Variants in MAGI2 observed in about 807,000 individuals in gnomAD.
MAGI2 encodes membrane-associated guanylate kinase, WW and PDZ domain-containing protein 2.
Under a neutral mutation model 133.3 loss-of-function variants are expected in MAGI2, and 35 were observed. The ratio of observed to expected loss-of-function variants is 0.26; its 90% CI spans 0.20 to 0.35. The LOEUF is 0.35. Among genes scored for constraint, MAGI2 ranks in the 10% least tolerant of loss-of-function variants. The pLI, the probability that MAGI2 is intolerant of heterozygous loss-of-function variation, is 1.00. For missense variants in MAGI2, 1,636 were observed against 1,863.4 expected, an observed-to-expected ratio of 0.88 and a Z score of 2.25; for synonymous variants, 729 against 710.6, an observed-to-expected ratio of 1.03 and a Z score of -0.41.
chr7:78,171,897 GTTTGTTTTT>G (rs1462334615), intron 14 of MAGI2, among the ~76,000 whole-genome samples: 1 of 88,734 alleles, frequency 1.1e-5, no homozygotes, highest in African/African-American at 5.0e-5. Context: ...TTGTTTGTTT[GTTTGTTTTT>G]TTTTCCCTAT....
At chr7:78,357,322 C>T (rs41357146) in intron 7 of MAGI2, among the ~76,000 whole-genome samples, 8,201 of 152,192 alleles carry the variant, frequency 0.054, 299 homozygotes, top group Middle Eastern at 0.12. Context: ...ATGCCTAATA[C>T]ATACCAAGTG....
At chr7:79,066,944 C>A (rs1004239697) in intron 1 of MAGI2, among the ~76,000 whole-genome samples, 1 of 151,946 alleles carries the variant, frequency 6.6e-6, no homozygotes, top group African/African-American at 2.4e-5. Flanking sequence ...TTTCTGAGGC[C>A]CCTGTTCTGT....
At chr7:79,313,071 GA>G (rs1838420423) in intron 1 of MAGI2, among the ~76,000 whole-genome samples, 1 of 152,048 alleles carries the variant, frequency 6.6e-6, no homozygotes, top group African/African-American at 2.4e-5. Flanking sequence ...ATCAATTATA[GA>G]CTTCCTCCTT....
At chr7:78,400,238 T>G (rs1405010951) in intron 6 of MAGI2, among the ~76,000 whole-genome samples, 1 of 152,184 alleles carries the variant, frequency 6.6e-6, no homozygotes, top group Non-Finnish European at 1.5e-5. Flanking sequence ...TAAGGGCAAT[T>G]AGAAACATAA....
chr7:79,044,059 G>C (rs1040993162), intron 1 of MAGI2, among the ~76,000 whole-genome samples: 1 of 152,088 alleles, frequency 6.6e-6, no homozygotes, highest in Non-Finnish European at 1.5e-5. Context: ...AGGTGGGACT[G>C]CTCCCTAACT....
chr7:78,833,176 T>A (rs185571885), intron 2 of MAGI2, among the ~76,000 whole-genome samples: 14 of 152,336 alleles, frequency 9.2e-5, no homozygotes, highest in African/African-American at 2.6e-4. Context: ...ACTGTGTTTC[T>A]GTTTTAAGGC....
intron 1 of MAGI2, among the ~76,000 whole-genome samples, chr7:79,431,966 C>T (rs530096963): frequency 6.6e-6 from 1 of 152,264 alleles, no homozygotes; most frequent in African/African-American, 2.4e-5. Flanking sequence ...CATAAGCTTC[C>T]TCATGTTTAA....
intron 1 of MAGI2, among the ~76,000 whole-genome samples, chr7:79,443,281 TGTGC>T (rs1554486081): frequency 1.6e-3 from 108 of 69,156 alleles, no homozygotes; most frequent in African/African-American, 4.2e-3. Context: ...TGTGTGTGTG[TGTGC>T]GTGTGTGTGT....
intron 1 of MAGI2, among the ~76,000 whole-genome samples, chr7:79,168,885 GATAGATATATATATATATATATATATAT>G (rs201673491): frequency 0.066 from 9,166 of 138,756 alleles, 677 homozygotes; most frequent in African/African-American, 0.17. Context: ...TCTTTCTAAA[GATAGATATATATATATATATATATATAT>G]ATATATATAT....
At chr7:79,037,044 C>G (rs1466578307) in intron 1 of MAGI2, among the ~76,000 whole-genome samples, 1 of 152,152 alleles carries the variant, frequency 6.6e-6, no homozygotes, top group African/African-American at 2.4e-5. Context: ...GACACTTTAA[C>G]CTTTTTTGGA....
intron 1 of MAGI2, among the ~76,000 whole-genome samples, chr7:79,074,623 A>T (rs569283009): frequency 1.3e-5 from 2 of 152,234 alleles, no homozygotes; most frequent in Non-Finnish European, 2.9e-5. Context: ...CTATGATACA[A>T]TAGCTAGAAA....
At chr7:79,017,486 A>C (rs2116651612) in intron 1 of MAGI2, among the ~76,000 whole-genome samples, 1 of 152,356 alleles carries the variant, frequency 6.6e-6, no homozygotes, top group Admixed American at 6.5e-5. Flanking sequence ...GAAGATGAGA[A>C]AGAACCAGCA....
Position 78,283,863 on chromosome 7 carries a change from G to A in MAGI2, c.1409-27282C>T, listed in dbSNP as rs371139664. On this transcript the variant is annotated intron_variant, in intron 9 of 21. Coordinates refer to ENST00000354212, the MANE Select transcript of MAGI2 (RefSeq NM_012301.4). ...CCCCATTAAAAGTGGTATTTTAAAT[G>A]TCAGTGAGCATGTATTCTATTTAAT... 7.4e-4 allele frequency among the ~76,000 whole-genome samples: 112 copies of A among 152,226 alleles called. 2 individuals carry two copies. In the South Asian group the frequency reaches 0.022, roughly 30 times the overall value.
chr7:78,436,030 T>G (rs547561004), intron 6 of MAGI2, among the ~76,000 whole-genome samples: 1 of 152,274 alleles, frequency 6.6e-6, no homozygotes, highest in East Asian at 1.9e-4. Context: ...TGGAGATTTT[T>G]CAGGGAAAGA....
At chr7:78,037,862 C>T (rs1039996732) in intron 21 of MAGI2, among the ~76,000 whole-genome samples, 1 of 152,126 alleles carries the variant, frequency 6.6e-6, no homozygotes, top group Non-Finnish European at 1.5e-5. Flanking sequence ...GAATGGTCCC[C>T]ATTTCTTTCG....
chr7:78,699,629 G>A (rs999606158), intron 2 of MAGI2, among the ~76,000 whole-genome samples: 3 of 152,032 alleles, frequency 2.0e-5, no homozygotes, highest in Non-Finnish European at 4.4e-5. Flanking sequence ...CCTGCTTATT[G>A]GGTTCATCCT....
intron 1 of MAGI2, among the ~76,000 whole-genome samples, chr7:79,035,912 T>A (rs1232504722): frequency 6.6e-6 from 1 of 152,250 alleles, no homozygotes; most frequent in South Asian, 2.1e-4. Flanking sequence ...AAAACCTTCA[T>A]AAATGATATT....
chr7:78,376,343 A>G (rs1293970061), intron 6 of MAGI2, among the ~76,000 whole-genome samples: 1 of 152,142 alleles, frequency 6.6e-6, no homozygotes, highest in African/African-American at 2.4e-5. Context: ...AAACCCAGTC[A>G]ATATCATGGA....
chr7:78,161,477 T>A (rs1421044653), intron 15 of MAGI2, among the ~76,000 whole-genome samples: 1 of 152,084 alleles, frequency 6.6e-6, no homozygotes, highest in Non-Finnish European at 1.5e-5. Context: ...CCATTAATTA[T>A]TCCATTTTGG....
Sources: gnomAD v4.1 joint callset for allele counts (sites outside exome capture counted in the v4.1 genomes callset) on GRCh38, gnomAD v4.1.1 for gene constraint, MANE v1.5 for transcripts, NCBI Gene and HGNC (gene_info 2026-07-23, HGNC 2026-07-21) for gene names.